Variants in KDM2A observed in about 807,000 individuals in gnomAD.
KDM2A encodes the protein lysine demethylase 2A.
In KDM2A, 3 loss-of-function variants were observed where a neutral mutation model predicts 137.3. The observed-to-expected ratio is 0.02, with a 90% CI of 0.01 to 0.06. The LOEUF (loss-of-function observed/expected upper bound fraction) is 0.06. Among genes scored for constraint, KDM2A ranks in the 10% least tolerant of loss-of-function variants. The probability of loss-of-function intolerance (pLI) is 1.00; values close to 1 mark genes in which losing one functional copy is unlikely to be tolerated. For synonymous variants in KDM2A, 512 were observed against 541.5 expected, an observed-to-expected ratio of 0.95 and a Z score of 0.76; for missense variants, 738 against 1,510.6, an observed-to-expected ratio of 0.49 and a Z score of 8.48.
At chr11:67,220,042 A>G (rs1858295932) in intron 10 of KDM2A, among the ~76,000 whole-genome samples, 1 of 151,216 alleles carries the variant, frequency 6.6e-6, no homozygotes, top group Non-Finnish European at 1.5e-5. Flanking sequence ...ACAGAGTCTC[A>G]CTCTGTTGCC....
At chr11:67,121,398 A>C in intron 2 of KDM2A, 40 bp downstream of exon 2, 1 of 1,585,212 alleles carries the variant, frequency 6.3e-7, no homozygotes, top group Non-Finnish European at 8.7e-7. Flanking sequence ...CCAGTTTTAA[A>C]GTAGGATAAC....
chr11:67,176,050 AGT>A (rs1183350729), intron 2 of KDM2A, among the ~76,000 whole-genome samples: 1 of 152,204 alleles, frequency 6.6e-6, no homozygotes, highest in Non-Finnish European at 1.5e-5. Context: ...TATTGGTGTC[AGT>A]GAAGTCTTAT....
At chr11:67,201,193 CAAA>C (rs35150844) in intron 5 of KDM2A, among the ~76,000 whole-genome samples, 2 of 111,630 alleles carry the variant, frequency 1.8e-5, no homozygotes, top group Admixed American at 1.0e-4. Flanking sequence ...GACTCTGTCT[CAAA>C]AAAAAAAATA....
chr11:67,240,152 C>G, intron 12 of KDM2A: 1 of 1,463,274 alleles, frequency 6.8e-7, no homozygotes, highest in Non-Finnish European at 9.0e-7. Context: ...GCCCAGAGCG[C>G]TGCACGCTGC....
In KDM2A at chr11:67,119,697, AG is replaced by A. The variant is rs547878162; in HGVS notation, c.-435del. Reference sequence around the variant, plus strand: ...TCGGCCGCTGCTCCCGCAGGCGACCAGCCCCTGCTGGCCGAGGGCACGGCGA... The same window carrying A: ...TCGGCCGCTGCTCCCGCAGGCGACCACCCCTGCTGGCCGAGGGCACGGCGA... On this transcript the variant is annotated 5_prime_UTR_variant, in exon 1 of 21. Transcript: ENST00000529006. The A allele has an allele frequency of 6.7e-6, 1 of 149,546 alleles. No homozygotes were observed. Among genetic ancestry groups the A allele is most frequent in the Admixed American group, 6.6e-5 (1 of 15,088 alleles). 9.3% of individuals were successfully genotyped at this position (149,546 alleles called of 1,614,324 possible). A position where few individuals can be genotyped will look rare whatever the true frequency, so the allele number is the denominator to read the frequency against.
intron 15 of KDM2A, among the ~76,000 whole-genome samples, 183 bp downstream of exon 15, chr11:67,246,299 TTAG>T (rs999699998): frequency 5.9e-5 from 9 of 152,186 alleles, no homozygotes; most frequent in African/African-American, 2.2e-4. Context: ...AGGCACTGCG[TTAG>T]ACCCTGAGGA....
Position 67,217,505 on chromosome 11 carries a change from G to A in KDM2A, c.688-226G>A, listed in dbSNP as rs909984564. On this transcript the variant is annotated intron_variant, in intron 8 of 20. Coordinates refer to ENST00000529006, the MANE Select transcript of KDM2A (RefSeq NM_012308.3). Reference sequence around the variant, plus strand: ...CTCTCCGAGTCCTGGATGGTGTATAGTCAAACCCAAGGGAAGCCTTAATGC... The same window carrying A: ...CTCTCCGAGTCCTGGATGGTGTATAATCAAACCCAAGGGAAGCCTTAATGC... 2.2e-5 allele frequency: 12 copies of A among 542,798 alleles called. No homozygotes were observed. The African/African-American group carries it at 2.3e-4, about 10-fold the overall frequency. 33.6% of individuals were successfully genotyped at this position (542,798 alleles called of 1,614,324 possible). A position where few individuals can be genotyped will look rare whatever the true frequency, so the allele number is the denominator to read the frequency against.
At chr11:67,208,683 A>T (rs1172291195) in intron 6 of KDM2A, among the ~76,000 whole-genome samples, 1 of 150,426 alleles carries the variant, frequency 6.6e-6, no homozygotes, top group Non-Finnish European at 1.5e-5. Flanking sequence ...AGGCATGAGA[A>T]TCGCTTGAAC....
chr11:67,163,411 G>A (rs1856676163), intron 2 of KDM2A, among the ~76,000 whole-genome samples: 1 of 152,174 alleles, frequency 6.6e-6, no homozygotes, highest in Admixed American at 6.6e-5. Flanking sequence ...AAAAGGTATG[G>A]ACTTGGAAAA....
Position 67,252,470 on chromosome 11 carries a change from A to G in KDM2A, c.2769-224A>G, listed in dbSNP as rs535044069. On this transcript the variant is annotated intron_variant, in intron 17 of 20. Transcript: ENST00000529006. ...TAAATCAGGGTAAAGTGGTCAAGTT[A>G]TATACTATCAACATGTAGGTTTGCA... 16 of 558,954 alleles carry G rather than the reference A, an allele frequency of 2.9e-5. No homozygotes were observed. In the Admixed American group the frequency reaches 3.8e-4, roughly 13 times the overall value. The allele number at this position is 558,954 out of a possible 1,614,324, so 34.6% of individuals were successfully genotyped here.
At position 67,250,885 on chromosome 11, in the gene KDM2A, C is replaced by T; in HGVS notation, c.2768+87C>T. The stretch of plus-strand genomic sequence containing the variant: ...ATGAGAACAGCATGCACCTTGGCAT[C>T]TGAAAGCCTGTGGGGTCTTATGAGG... On this transcript the variant is annotated intron_variant, in intron 17 of 20. Transcript: ENST00000529006. The surrounding 1 kb of genome is among the most constrained non-coding windows in gnomAD (Gnocchi z 7.1). 1 of 1,018,840 alleles carries T rather than the reference C, an allele frequency of 9.8e-7. No homozygotes were observed. Among genetic ancestry groups the T allele is most frequent in the Admixed American group, 2.4e-5 (1 of 42,268 alleles). The allele number at this position is 1,018,840 out of a possible 1,614,324, so 63.1% of individuals were successfully genotyped here.
chr11:67,238,720 T>C (rs1407380498), intron 12 of KDM2A, among the ~76,000 whole-genome samples: 1 of 152,174 alleles, frequency 6.6e-6, no homozygotes, highest in Non-Finnish European at 1.5e-5. Context: ...TAAATAAGAA[T>C]GCTTAAGAGC....
At chr11:67,146,277 G>C (rs914195245) in intron 2 of KDM2A, among the ~76,000 whole-genome samples, 2 of 151,938 alleles carry the variant, frequency 1.3e-5, no homozygotes, top group African/African-American at 4.8e-5. Flanking sequence ...ACAGGCATGA[G>C]CCACCGCACC....
intron 2 of KDM2A, among the ~76,000 whole-genome samples, chr11:67,137,205 G>C (rs1220346956): frequency 2.6e-5 from 4 of 152,320 alleles, no homozygotes; most frequent in East Asian, 1.9e-4. Context: ...AGAAACATAA[G>C]TGAAGGAGAG....
At position 67,168,587 on chromosome 11, in the gene KDM2A, A is replaced by ACACACAC. The variant is rs1856803983; in HGVS notation, c.43-11491_43-11485dup. ...ACACAGTCTTGTATGAATTATACACACACACACACACACACACACACACAC... is the reference window on the plus strand; with the variant it reads ...ACACAGTCTTGTATGAATTATACACACACACACCACACACACACACACACACACACAC... On this transcript the variant is annotated intron_variant, in intron 2 of 20. Transcript: ENST00000529006. Among the ~76,000 whole-genome samples, 5 of 9,130 alleles carry ACACACAC rather than the reference A, an allele frequency of 5.5e-4. 1 individual carries two copies. Among genetic ancestry groups the ACACACAC allele is most frequent in the Non-Finnish European group, 2.0e-4 (1 of 4,986 alleles). The allele number at this position is 9,130 out of a possible 152,430, so 6.0% of individuals were successfully genotyped here. A position where few individuals can be genotyped will look rare whatever the true frequency, so the allele number is the denominator to read the frequency against.
intron 11 of KDM2A, among the ~76,000 whole-genome samples, chr11:67,228,769 C>T (rs1398580039): frequency 1.3e-5 from 2 of 151,696 alleles, no homozygotes; most frequent in African/African-American, 4.8e-5. Flanking sequence ...CAGGGCCTTG[C>T]CCTGTCGTCC....
chr11:67,182,181 AC>A (rs1857104743), intron 5 of KDM2A, among the ~76,000 whole-genome samples: 1 of 152,118 alleles, frequency 6.6e-6, no homozygotes, highest in Non-Finnish European at 1.5e-5. Flanking sequence ...CCGAAAACTT[AC>A]ATCTCTTAGC....
At chr11:67,189,335 T>C (rs556186069) in intron 5 of KDM2A, among the ~76,000 whole-genome samples, 16 of 152,336 alleles carry the variant, frequency 1.1e-4, no homozygotes, top group South Asian at 4.1e-4. Context: ...AAAATACTTA[T>C]AGATGAATGA....
At chr11:67,210,917 G>A (rs117006524) in intron 6 of KDM2A, among the ~76,000 whole-genome samples, 5 of 151,986 alleles carry the variant, frequency 3.3e-5, no homozygotes, top group African/African-American at 4.8e-5. Flanking sequence ...CAAGGTGGGC[G>A]TATCACTTGA....
Sources: gnomAD v4.1 joint callset for allele counts (sites outside exome capture counted in the v4.1 genomes callset) on GRCh38, gnomAD v4.1.1 for gene constraint, Gnocchi (gnomAD v3.1) non-coding constraint, MANE v1.5 for transcripts, NCBI Gene and HGNC (gene_info 2026-07-23, HGNC 2026-07-21) for gene names.